The following TOGARAM1 variants were observed in gnomAD, a reference collection of about 807,000 sequenced individuals.
TOGARAM1 encodes the protein TOG array regulator of axonemal microtubules 1.
In TOGARAM1, 100 loss-of-function variants were observed where a neutral mutation model predicts 166.6. The ratio of observed to expected loss-of-function variants is 0.60; its 90% confidence interval spans 0.51 to 0.71. The LOEUF (loss-of-function observed/expected upper bound fraction) is 0.71. TOGARAM1 is among the 30% of genes least tolerant of loss of function. The pLI is 0.00. For synonymous variants in TOGARAM1, 758 were observed against 763.8 expected (o/e 0.99, Z 0.13); for missense variants, 2,029 against 2,102.7 (o/e 0.96, Z 0.69).
intron 13 of TOGARAM1, among the ~76,000 whole-genome samples, chr14:45,045,583 A>ATATG (rs1431167583): frequency 4.5e-4 from 17 of 37,462 alleles, no homozygotes; most frequent in South Asian, 1.0e-3. Flanking sequence ...ATATATATAT[A>ATATG]TGTGTGTGTG....
intron 16 of TOGARAM1, among the ~76,000 whole-genome samples, chr14:45,056,254 A>T (rs1395299591): frequency 6.6e-6 from 1 of 152,166 alleles, no homozygotes; most frequent in East Asian, 1.9e-4. Flanking sequence ...GAATTCGCTT[A>T]TCAAATCTAA....
chr14:45,008,823 G>T, intron 5 of TOGARAM1, 90 bp from the exon 6 acceptor site: 1 of 911,312 alleles, frequency 1.1e-6, no homozygotes. Flanking sequence ...GGTTAGCTAG[G>T]TATAGCTAAT....
At chr14:44,972,026 G>A (rs1885912957) in intron 1 of TOGARAM1, among the ~76,000 whole-genome samples, 1 of 152,114 alleles carries the variant, frequency 6.6e-6, no homozygotes, top group Non-Finnish European at 1.5e-5. Flanking sequence ...AGAGAGGGCA[G>A]GAGGAGATGC....
At chr14:44,999,597 C>CA (rs1241916495) in intron 3 of TOGARAM1, 100 bp downstream of exon 3, 11 of 932,704 alleles carry the variant, frequency 1.2e-5, no homozygotes, top group African/African-American at 1.0e-4. Flanking sequence ...ATACTCATCA[C>CA]AAAAAATAAA....
intron 7 of TOGARAM1, chr14:45,025,555 C>T: frequency 2.7e-6 from 1 of 371,808 alleles, no homozygotes; most frequent in South Asian, 3.2e-5. Flanking sequence ...CAGAGCGAGA[C>T]TCCATCTCAA....
Position 44,962,352 on chromosome 14 carries a change from G to C in TOGARAM1, c.-70G>C. The C allele has an allele frequency of 6.8e-7, 1 of 1,477,116 alleles. No individual in the cohort carries two copies. The highest frequency in any genetic ancestry group is 1.4e-5 in the African/African-American group (1 of 71,040). 91.5% of individuals were successfully genotyped at this position (1,477,116 alleles called of 1,614,324 possible). ...CTTGGGGCTTGGAGAGGATCTGGAA[G>C]TCTGGGCTCCATCGAGCCCTTTGGA... On this transcript the variant is annotated 5_prime_UTR_variant, in exon 1 of 20. Transcript: ENST00000361462.
chr14:45,028,350 G>C (rs751567551), intron 10 of TOGARAM1, 21 bp downstream of exon 10: 5 of 1,577,348 alleles, frequency 3.2e-6, no homozygotes, highest in Non-Finnish European at 4.3e-6. Context: ...TTTAAGTTTT[G>C]GTATTTTTTT....
rs1885401087 is a variant in TOGARAM1, at chr14:44,964,423, A to G, written c.2002A>G (p.Ile668Val). ...KLPWENEQPG[I>V]MGENQTSTSK... ...ACCATGGGAAAATGAGCAACCTGGA[A>G]TCATGGGAGAAAACCAGACCTCCAC... The change falls in exon 1 of 20, where the codon ATC becomes GTC. Residue 668 changes from isoleucine to valine, a missense_variant. Transcript: ENST00000361462. The G allele has an allele frequency of 6.2e-7, 1 of 1,606,004 alleles. No individual in the cohort carries two copies. Among genetic ancestry groups the G allele is most frequent in the East Asian group, 2.2e-5 (1 of 44,810 alleles).
intron 1 of TOGARAM1, among the ~76,000 whole-genome samples, chr14:44,966,022 C>G (rs977004508): frequency 1.3e-5 from 2 of 151,530 alleles, no homozygotes; most frequent in Non-Finnish European, 2.9e-5. Flanking sequence ...TTACAGGCTC[C>G]CACCACCACG....
chr14:45,052,683 G>C, intron 15 of TOGARAM1, 121 bp downstream of exon 15: 1 of 856,950 alleles, frequency 1.2e-6, no homozygotes. Context: ...TGGACTATTG[G>C]ACTATATCTG....
chr14:45,033,493 A>G (rs1207618719), intron 11 of TOGARAM1, among the ~76,000 whole-genome samples: 1 of 152,110 alleles, frequency 6.6e-6, no homozygotes, highest in Non-Finnish European at 1.5e-5. Flanking sequence ...TTTCTATAAA[A>G]CTTTACTTAT....
Position 45,005,995 on chromosome 14 carries a change from A to AT in TOGARAM1, c.2645-8dup. 1 of 1,530,016 alleles carries AT rather than the reference A, an allele frequency of 6.5e-7. No individual in the cohort carries two copies. Among genetic ancestry groups the AT allele is most frequent in the South Asian group, 1.3e-5 (1 of 77,266 alleles). The allele number at this position is 1,530,016 out of a possible 1,614,324, so 94.8% of individuals were successfully genotyped here. On this transcript the variant is annotated splice_polypyrimidine_tract_variant and intron_variant, in intron 4 of 19. Coordinates refer to ENST00000361462, the MANE Select transcript of TOGARAM1 (RefSeq NM_001308120.2). ...TAGAAAAAGAAAAAGTAAAATATCTATTTTTCATGCAGGAGAAAATTCTCA... is the reference window on the plus strand; with the variant it reads ...TAGAAAAAGAAAAAGTAAAATATCTATTTTTTCATGCAGGAGAAAATTCTCA...
chr14:44,999,857 C>T lies in TOGARAM1; in HGVS notation c.2338+360C>T, dbSNP rs540113504. On this transcript the variant is annotated intron_variant, in intron 3 of 19. Transcript: ENST00000361462. Reference sequence around the variant, plus strand: ...GATATGCATCACCTGAAACATTTGTCATTTCTTTGTGTTGGGAACATTACA... The same window carrying T: ...GATATGCATCACCTGAAACATTTGTTATTTCTTTGTGTTGGGAACATTACA... Among the ~76,000 whole-genome samples, 4 of 152,208 alleles carry T rather than the reference C, an allele frequency of 2.6e-5. No individual in the cohort carries two copies. In the East Asian group the frequency reaches 7.7e-4, roughly 29 times the overall value.
At chr14:45,033,871 A>G (rs1304786646) in intron 11 of TOGARAM1, among the ~76,000 whole-genome samples, 1 of 152,208 alleles carries the variant, frequency 6.6e-6, no homozygotes, top group East Asian at 1.9e-4. Context: ...ATGAAACAAT[A>G]GTTTTCAAGG....
chr14:45,028,963 A>T (rs1207115024), intron 10 of TOGARAM1, among the ~76,000 whole-genome samples: 1 of 152,222 alleles, frequency 6.6e-6, no homozygotes, highest in African/African-American at 2.4e-5. Context: ...ATACTCAAGA[A>T]GGTTACAAAA....
chr14:44,984,867 G>A (rs1374772469), intron 1 of TOGARAM1, among the ~76,000 whole-genome samples: 2 of 151,974 alleles, frequency 1.3e-5, no homozygotes, highest in Non-Finnish European at 2.9e-5. Context: ...AAAGCATATC[G>A]ATTACCTTGT....
chr14:45,009,176 G>A (rs1288301645), intron 6 of TOGARAM1, 31 bp downstream of exon 6: 2 of 1,515,874 alleles, frequency 1.3e-6, no homozygotes, highest in African/African-American at 2.7e-5. Context: ...ATAAATGAAT[G>A]TTCCTCTGTA....
chr14:44,995,908 T>C lies in TOGARAM1; in HGVS notation c.2203+6T>C. 1 of 1,588,292 alleles carries C rather than the reference T, an allele frequency of 6.3e-7. No homozygotes were observed. ...TCTTCCTTTATGTGCTGCTGGTAAG[T>C]ACAAGTTGCTGATGATGGTCATGTT... On this transcript the variant is annotated splice_donor_region_variant and intron_variant, in intron 2 of 19. Transcript: ENST00000361462.
intron 1 of TOGARAM1, among the ~76,000 whole-genome samples, chr14:44,968,543 C>T (rs959973499): frequency 6.6e-5 from 10 of 152,192 alleles, no homozygotes; most frequent in African/African-American, 2.4e-4. Flanking sequence ...CCACCGCGCC[C>T]GGCCTGGACT....
Sources: allele counts gnomAD v4.1 joint callset (sites outside exome capture counted in the v4.1 genomes callset), GRCh38; gene constraint gnomAD v4.1.1; transcripts MANE v1.5; gene names NCBI Gene and HGNC (gene_info 2026-07-23, HGNC 2026-07-21).